Variants in STK39 observed in about 807,000 individuals in gnomAD.
The protein encoded by STK39 is serine/threonine kinase 39.
Under a neutral mutation model 77.8 loss-of-function variants are expected in STK39, and 20 were observed. That is an observed-to-expected ratio of 0.26 (90% CI 0.18 to 0.37). STK39 has a LOEUF of 0.37. Ranked by LOEUF, STK39 falls within the 10% of genes least tolerant of loss-of-function variation. The probability of loss-of-function intolerance (pLI) is 1.00; values close to 1 mark genes in which losing one functional copy is unlikely to be tolerated. For missense variants in STK39, 479 were observed against 656.5 expected, an observed-to-expected ratio of 0.73 and a Z score of 2.95; for synonymous variants, 246 against 234.1, an observed-to-expected ratio of 1.05 and a Z score of -0.47.
intron 16 of STK39, among the ~76,000 whole-genome samples, chr2:167,972,098 T>C (rs1345702082): frequency 6.6e-6 from 1 of 152,196 alleles, no homozygotes; most frequent in Non-Finnish European, 1.5e-5. Context: ...GCCCCAGGGC[T>C]ACAGTGTGGC....
chr2:168,232,753 A>G (rs1690491142), intron 1 of STK39, among the ~76,000 whole-genome samples: 1 of 152,172 alleles, frequency 6.6e-6, no homozygotes. Flanking sequence ...TCTACTAAAA[A>G]TACAAAAAAT....
intron 12 of STK39, among the ~76,000 whole-genome samples, chr2:168,070,463 T>C (rs1685910485): frequency 6.6e-6 from 1 of 151,926 alleles, no homozygotes; most frequent in Non-Finnish European, 1.5e-5. Context: ...TTTTTAATTA[T>C]ACTTTAAGTT....
chr2:168,163,351 G>A (rs145869081), intron 4 of STK39, among the ~76,000 whole-genome samples: 184 of 152,330 alleles, frequency 1.2e-3, no homozygotes, highest in African/African-American at 4.3e-3. Context: ...AGTTCAACTA[G>A]TATAATTCAA....
At chr2:168,075,362 C>T (rs778599586) in intron 10 of STK39, 131 bp from the exon 11 acceptor site, 4 of 1,278,306 alleles carry the variant, frequency 3.1e-6, no homozygotes, top group Non-Finnish European at 4.3e-6. Context: ...CCAGGGATAG[C>T]TAGCGGTTAA....
At chr2:168,104,880 T>C (rs1490805779) in intron 10 of STK39, among the ~76,000 whole-genome samples, 1 of 152,150 alleles carries the variant, frequency 6.6e-6, no homozygotes, top group Non-Finnish European at 1.5e-5. Flanking sequence ...ATTGCAAACA[T>C]TTGGAAACAC....
chr2:167,954,025 T>C lies in STK39; in HGVS notation c.*1471A>G, dbSNP rs1691704036. On this transcript the variant is annotated 3_prime_UTR_variant, in exon 18 of 18. Coordinates refer to ENST00000355999, the MANE Select transcript of STK39 (RefSeq NM_013233.3). ...AAAGAAACAATGCAAAACAATCTCATTGTGCAATACACTTTTATTTTCCTT... is the reference window on the plus strand; with the variant it reads ...AAAGAAACAATGCAAAACAATCTCACTGTGCAATACACTTTTATTTTCCTT... 1 of 152,674 alleles carries C rather than the reference T, an allele frequency of 6.5e-6. No homozygotes were observed. 9.5% of individuals were successfully genotyped at this position (152,674 alleles called of 1,614,324 possible).
chr2:168,170,881 G>A (rs897491744), intron 2 of STK39, among the ~76,000 whole-genome samples: 7 of 152,042 alleles, frequency 4.6e-5, no homozygotes, highest in Admixed American at 1.3e-4. Flanking sequence ...GACAGAAAAG[G>A]GTAAAAACTT....
chr2:168,197,670 T>A (rs978172985), intron 1 of STK39, among the ~76,000 whole-genome samples: 1 of 152,362 alleles, frequency 6.6e-6, no homozygotes, highest in African/African-American at 2.4e-5. Context: ...ATCCAGTATT[T>A]GTAGGTATTC....
chr2:168,013,082 T>C (rs1684311427), intron 15 of STK39, among the ~76,000 whole-genome samples: 2 of 152,170 alleles, frequency 1.3e-5, no homozygotes, highest in South Asian at 4.1e-4. Flanking sequence ...TTTTTATCAT[T>C]AGTAGCTATG....
intron 16 of STK39, among the ~76,000 whole-genome samples, chr2:167,986,588 G>GATT (rs1683565158): frequency 6.6e-6 from 1 of 152,118 alleles, no homozygotes; most frequent in African/African-American, 2.4e-5. Context: ...AGATACCTGA[G>GATT]CACCAGAAAT....
intron 14 of STK39, among the ~76,000 whole-genome samples, chr2:168,052,269 C>G (rs576974834): frequency 6.6e-6 from 1 of 152,262 alleles, no homozygotes; most frequent in Admixed American, 6.5e-5. Flanking sequence ...ATCGTTTGGT[C>G]ATATTTCCAG....
intron 1 of STK39, among the ~76,000 whole-genome samples, chr2:168,215,598 AGAGTT>A (rs1330959664): frequency 6.6e-6 from 1 of 152,208 alleles, no homozygotes. Context: ...TGTATCTAAC[AGAGTT>A]CTCTGAGACT....
At chr2:168,060,797 G>C (rs1259434538) in intron 14 of STK39, among the ~76,000 whole-genome samples, 1 of 152,190 alleles carries the variant, frequency 6.6e-6, no homozygotes, top group Non-Finnish European at 1.5e-5. Flanking sequence ...CATTGAATTT[G>C]TTGCTGGTTG....
intron 1 of STK39, among the ~76,000 whole-genome samples, chr2:168,197,517 A>G (rs59562777): frequency 0.033 from 4,977 of 152,264 alleles, 248 homozygotes; most frequent in African/African-American, 0.11. Context: ...AACAATAAAA[A>G]CCGAGAAGGG....
chr2:168,069,723 C>T (rs1186392687), intron 12 of STK39, among the ~76,000 whole-genome samples: 2 of 152,194 alleles, frequency 1.3e-5, no homozygotes, highest in Non-Finnish European at 2.9e-5. Context: ...ATCCTGAGAG[C>T]AGCTTTTTAA....
intron 8 of STK39, among the ~76,000 whole-genome samples, chr2:168,134,915 A>C (rs1477164344): frequency 6.6e-6 from 1 of 152,204 alleles, no homozygotes; most frequent in African/African-American, 2.4e-5. Context: ...ACATTTAGGC[A>C]AGAGAAATAA....
At chr2:167,980,217 T>A (rs1035984040) in intron 16 of STK39, among the ~76,000 whole-genome samples, 1 of 152,186 alleles carries the variant, frequency 6.6e-6, no homozygotes, top group South Asian at 2.1e-4. Context: ...CAAACACTTA[T>A]GGAAATAAGC....
chr2:168,025,809 C>A (rs540891491), intron 14 of STK39, among the ~76,000 whole-genome samples: 1 of 152,212 alleles, frequency 6.6e-6, no homozygotes, highest in Non-Finnish European at 1.5e-5. Flanking sequence ...GCCAAGCTGA[C>A]GGCTGCTCTG....
intron 14 of STK39, among the ~76,000 whole-genome samples, chr2:168,061,523 G>A (rs998508969): frequency 2.6e-5 from 4 of 152,152 alleles, no homozygotes; most frequent in African/African-American, 9.7e-5. Context: ...AGTGTGCATT[G>A]TTTTTTAACT....
Sources: allele counts gnomAD v4.1 joint callset (sites outside exome capture counted in the v4.1 genomes callset), GRCh38; gene constraint gnomAD v4.1.1; transcripts MANE v1.5; gene names NCBI Gene and HGNC (gene_info 2026-07-23, HGNC 2026-07-21).